Variants in QKI observed in about 807,000 individuals in gnomAD.
The protein encoded by QKI is KH domain-containing RNA-binding protein QKI.
Under a neutral mutation model 39.0 loss-of-function variants are expected in QKI, and 10 were observed. The ratio of observed to expected loss-of-function variants is 0.26; its 90% CI spans 0.16 to 0.43. QKI has a LOEUF of 0.43. Ranked by LOEUF, QKI falls within the 20% of genes least tolerant of loss-of-function variation. The pLI, the probability that QKI is intolerant of heterozygous loss-of-function variation, is 1.00. For missense variants in QKI, 218 were observed against 428.0 expected (o/e 0.51, Z 4.33); for synonymous variants, 204 against 155.4 (o/e 1.31, Z -2.33).
chr6:163,468,066 A>G (rs1791911374), intron 2 of QKI, among the ~76,000 whole-genome samples: 1 of 152,188 alleles, frequency 6.6e-6, no homozygotes, highest in Non-Finnish European at 1.5e-5. Flanking sequence ...CTTGTATAAG[A>G]TAGGCCCACT....
chr6:163,495,052 A>G (rs1778321002), intron 3 of QKI, among the ~76,000 whole-genome samples: 1 of 151,544 alleles, frequency 6.6e-6, no homozygotes, highest in Non-Finnish European at 1.5e-5. Flanking sequence ...GGTATCTGGG[A>G]TTATAGGAGC....
rs1489045107 is a variant in QKI at position 163,467,129 on chromosome 6, A to G, written c.286-11651A>G. On this transcript the variant is annotated intron_variant, in intron 2 of 7. Transcript: ENST00000361752. ...AAAAGAGAATATACAGATGTCCAAAAGGCTTATGAAAAGGTGCTTAACATC... is the reference window on the plus strand; with the variant it reads ...AAAAGAGAATATACAGATGTCCAAAGGGCTTATGAAAAGGTGCTTAACATC... Among the ~76,000 whole-genome samples, 8 of 152,194 alleles carry G rather than the reference A, an allele frequency of 5.3e-5. 1 individual carries two copies. The highest frequency in any genetic ancestry group is 1.2e-4 in the Non-Finnish European group (8 of 68,026).
At chr6:163,552,347 T>C (rs1395570916) in intron 4 of QKI, among the ~76,000 whole-genome samples, 4 of 151,448 alleles carry the variant, frequency 2.6e-5, no homozygotes, top group Non-Finnish European at 4.4e-5. Context: ...TAGCTGGGAC[T>C]ACAGGTGCCC....
intron 3 of QKI, among the ~76,000 whole-genome samples, chr6:163,506,803 C>CA (rs1779123649): frequency 6.6e-6 from 1 of 152,108 alleles, no homozygotes; most frequent in Non-Finnish European, 1.5e-5. Flanking sequence ...TTTAATATCT[C>CA]CTATTGAATT....
At chr6:163,565,909 GAT>G in intron 6 of QKI, 1 of 1,612,782 alleles carries the variant, frequency 6.2e-7, no homozygotes, top group Non-Finnish European at 8.5e-7. Flanking sequence ...AGTCTTCATT[GAT>G]GACTAATTTT....
chr6:163,545,170 G>A (rs2128244522), intron 4 of QKI, among the ~76,000 whole-genome samples: 1 of 152,184 alleles, frequency 6.6e-6, no homozygotes, highest in Non-Finnish European at 1.5e-5. Context: ...AAAAATGATG[G>A]CGGAGAAAAG....
rs555949357 is a variant in QKI at position 163,500,836 on chromosome 6, T to A, written c.402+21940T>A. Among the ~76,000 whole-genome samples, 4 of 152,280 alleles carry A rather than the reference T, an allele frequency of 2.6e-5. No homozygotes were observed. In the South Asian group the frequency reaches 8.3e-4, roughly 32 times the overall value. ...CTAAGCTAGAGGCAATATGTGAGCA[T>A]ATTTTGCAAAGACTTTGGTGGCCAT... On this transcript the variant is annotated intron_variant, in intron 3 of 7. Transcript: ENST00000361752.
intron 3 of QKI, among the ~76,000 whole-genome samples, chr6:163,513,082 A>T (rs1218843821): frequency 6.6e-6 from 1 of 152,140 alleles, no homozygotes; most frequent in Non-Finnish European, 1.5e-5. Flanking sequence ...ATTGTTGTTC[A>T]TCTCTTACTG....
chr6:163,441,788 T>C (rs953029716), intron 1 of QKI, among the ~76,000 whole-genome samples: 3 of 152,024 alleles, frequency 2.0e-5, no homozygotes, highest in Admixed American at 2.0e-4. Context: ...TGCAAAACCT[T>C]GAGGGCAGGG....
At chr6:163,473,032 A>T (rs1306110391) in intron 2 of QKI, among the ~76,000 whole-genome samples, 1 of 152,178 alleles carries the variant, frequency 6.6e-6, no homozygotes, top group Non-Finnish European at 1.5e-5. Context: ...TCAATTAAAG[A>T]CAAACACAAA....
intron 4 of QKI, among the ~76,000 whole-genome samples, chr6:163,543,794 A>G (rs975742405): frequency 9.2e-5 from 14 of 152,010 alleles, no homozygotes; most frequent in Admixed American, 2.6e-4. Context: ...GTATGGTACA[A>G]TGAAGCACAT....
chr6:163,481,381 A>C (rs1433856760), intron 3 of QKI, among the ~76,000 whole-genome samples: 1 of 152,144 alleles, frequency 6.6e-6, no homozygotes, highest in African/African-American at 2.4e-5. Context: ...ACACTGGTAA[A>C]CTCAGTGAGA....
chr6:163,494,960 G>C (rs1562486590), intron 3 of QKI, among the ~76,000 whole-genome samples: 1 of 151,614 alleles, frequency 6.6e-6, no homozygotes, highest in African/African-American at 2.4e-5. Context: ...CTGTCGTCCA[G>C]GCTGGAGTGC....
chr6:163,558,070 G>A (rs1335898800), intron 4 of QKI, among the ~76,000 whole-genome samples: 1 of 152,186 alleles, frequency 6.6e-6, no homozygotes, highest in African/African-American at 2.4e-5. Context: ...TCAAGGTTCT[G>A]CAGGATACTT....
At chr6:163,417,820 A>G (rs1787649534) in intron 1 of QKI, among the ~76,000 whole-genome samples, 1 of 152,220 alleles carries the variant, frequency 6.6e-6, no homozygotes, top group African/African-American at 2.4e-5. Flanking sequence ...AATGGGCAAT[A>G]TAATGACGAG....
intron 3 of QKI, among the ~76,000 whole-genome samples, chr6:163,488,355 GAAAT>G (rs1057305615): frequency 1.3e-5 from 2 of 152,098 alleles, no homozygotes; most frequent in Non-Finnish European, 2.9e-5. Context: ...GAGAGAGAAA[GAAAT>G]AGTGCAGAGA....
chr6:163,414,987 G>A lies in QKI; in HGVS notation c.-207G>A, dbSNP rs1287964569. ...GAGCGGCGGCGGCTGGGAGCGCGTCGGGCCCGGGCGGAAAGTGCCTGCGGG... is the reference window on the plus strand; with the variant it reads ...GAGCGGCGGCGGCTGGGAGCGCGTCAGGCCCGGGCGGAAAGTGCCTGCGGG... On this transcript the variant is annotated 5_prime_UTR_variant, in exon 1 of 8. Transcript: ENST00000361752. The A allele has an allele frequency of 6.9e-6, 2 of 289,146 alleles. No individual in the cohort carries two copies. Among genetic ancestry groups the A allele is most frequent in the Non-Finnish European group, 1.0e-5 (2 of 196,882 alleles). 17.9% of individuals were successfully genotyped at this position (289,146 alleles called of 1,614,324 possible).
intron 4 of QKI, among the ~76,000 whole-genome samples, chr6:163,559,811 AAGG>A (rs1238746842): frequency 1.3e-5 from 2 of 152,184 alleles, no homozygotes; most frequent in African/African-American, 2.4e-5. Flanking sequence ...CTATAATAGA[AAGG>A]AGCACTGAGA....
chr6:163,509,149 C>A (rs35442073), intron 3 of QKI, among the ~76,000 whole-genome samples: 63,764 of 149,628 alleles, frequency 0.43, 16,662 homozygotes, highest in East Asian at 0.71. Flanking sequence ...GTCAGTCAGT[C>A]AATCAGTCAG....
Sources: allele counts gnomAD v4.1 joint callset (sites outside exome capture counted in the v4.1 genomes callset), GRCh38; gene constraint gnomAD v4.1.1; transcripts MANE v1.5; gene names NCBI Gene and HGNC (gene_info 2026-07-23, HGNC 2026-07-21).